The following GTF2A1 variants were observed in gnomAD, a reference collection of about 807,000 sequenced individuals.
The protein encoded by GTF2A1 is transcription initiation factor IIA subunit 1.
GTF2A1 carries 12 observed loss-of-function variants against 54.1 expected under a neutral mutation model. The ratio of observed to expected loss-of-function variants is 0.22; its 90% CI spans 0.14 to 0.36. GTF2A1 has a LOEUF of 0.36. Among genes scored for constraint, GTF2A1 ranks in the 10% least tolerant of loss-of-function variants. The pLI is 1.00. For synonymous variants in GTF2A1, 145 were observed against 152.0 expected (o/e 0.95, Z 0.34); for missense variants, 335 against 442.2 (o/e 0.76, Z 2.17).
rs1419902730 is a variant in GTF2A1 at position 81,211,875 on chromosome 14, T to TCATATATATATATATATATATA, written c.132+4537_132+4538insTATATATATATATATATATATG. ...ACATAATTAGAGTGTATCAAGTACT[T>TCATATATATATATATATATATA]TATATATATATATATATATATATAT... On this transcript the variant is annotated intron_variant, in intron 2 of 8. Transcript: ENST00000553612. 6.1e-4 allele frequency among the ~76,000 whole-genome samples: 42 copies of TCATATATATATATATATATATA among 68,478 alleles called. 1 individual carries two copies. Among genetic ancestry groups the TCATATATATATATATATATATA allele is most frequent in the African/African-American group, 2.0e-3 (39 of 19,816 alleles). 44.9% of individuals were successfully genotyped at this position (68,478 alleles called of 152,430 possible). A position where few individuals can be genotyped will look rare whatever the true frequency, so the allele number is the denominator to read the frequency against.
intron 4 of GTF2A1, 49 bp downstream of exon 4, chr14:81,201,545 G>T: frequency 9.5e-7 from 1 of 1,055,798 alleles, no homozygotes. Context: ...ATTACAATGT[G>T]GGTTAGAATT....
chr14:81,198,991 G>A (rs1893047442), intron 4 of GTF2A1, among the ~76,000 whole-genome samples: 1 of 151,994 alleles, frequency 6.6e-6, no homozygotes, highest in Non-Finnish European at 1.5e-5. Flanking sequence ...CCACCCGGGT[G>A]ATTCGTATTT....
intron 2 of GTF2A1, among the ~76,000 whole-genome samples, chr14:81,213,782 G>A (rs1323733970): frequency 6.6e-6 from 1 of 150,784 alleles, no homozygotes; most frequent in African/African-American, 2.4e-5. Flanking sequence ...ATAAATATTT[G>A]CTCATCTGTT....
intron 1 of GTF2A1, among the ~76,000 whole-genome samples, 192 bp from the exon 2 acceptor site, chr14:81,216,706 T>C (rs1893496695): frequency 6.6e-6 from 1 of 152,232 alleles, no homozygotes; most frequent in Non-Finnish European, 1.5e-5. Context: ...TTAAGATTAA[T>C]GCAGTTCATA....
At chr14:81,218,106 T>TA (rs1893526828) in intron 1 of GTF2A1, among the ~76,000 whole-genome samples, 5 of 151,708 alleles carry the variant, frequency 3.3e-5, no homozygotes, top group African/African-American at 9.7e-5. Flanking sequence ...TTTTTTTTTT[T>TA]AACCAATAAT....
At chr14:81,189,820 A>G (rs1231336794) in intron 7 of GTF2A1, among the ~76,000 whole-genome samples, 1 of 152,186 alleles carries the variant, frequency 6.6e-6, no homozygotes, top group Non-Finnish European at 1.5e-5. Context: ...ACAAAAACTG[A>G]CCAAATCAAG....
intron 2 of GTF2A1, among the ~76,000 whole-genome samples, chr14:81,212,184 T>C (rs1291580632): frequency 3.3e-5 from 5 of 152,120 alleles, no homozygotes; most frequent in Non-Finnish European, 7.4e-5. Context: ...TTGAGGCAAC[T>C]CTTCTCATTT....
intron 2 of GTF2A1, among the ~76,000 whole-genome samples, chr14:81,215,726 T>G (rs560315170): frequency 1.3e-5 from 2 of 152,068 alleles, no homozygotes; most frequent in Non-Finnish European, 2.9e-5. Flanking sequence ...ACAGGTACAT[T>G]AAGACCATTA....
At chr14:81,186,451 A>G (rs1892747755) in intron 7 of GTF2A1, among the ~76,000 whole-genome samples, 1 of 151,570 alleles carries the variant, frequency 6.6e-6, no homozygotes, top group Admixed American at 6.6e-5. Context: ...TAAGATTCAG[A>G]CTTTTTTTTT....
At position 81,179,971 on chromosome 14, in the gene GTF2A1, C is replaced by T; in HGVS notation, c.*252G>A. 1 of 262,178 alleles carries T rather than the reference C, an allele frequency of 3.8e-6. No individual in the cohort carries two copies. The highest frequency in any genetic ancestry group is 7.1e-6 in the Non-Finnish European group (1 of 140,292). The allele number at this position is 262,178 out of a possible 1,614,324, so 16.2% of individuals were successfully genotyped here. A position where few individuals can be genotyped will look rare whatever the true frequency, so the allele number is the denominator to read the frequency against. The stretch of plus-strand genomic sequence containing the variant: ...GGTGGCAGGTACCTGTATTTAAAAT[C>T]AACAATTATGGTTTTCCTACACAAA... On this transcript the variant is annotated 3_prime_UTR_variant, in exon 9 of 9. Transcript: ENST00000553612.
rs550729822 is a variant in GTF2A1, at chr14:81,186,561, G to A, written c.934-941C>T. ...AAAATAAACAACCATGTTAAATTTC[G>A]CTTCAATTGTGACAGAAGATAGAAG... On this transcript the variant is annotated intron_variant, in intron 7 of 8. Coordinates refer to ENST00000553612, the MANE Select transcript of GTF2A1 (RefSeq NM_015859.4). 7.2e-5 allele frequency among the ~76,000 whole-genome samples: 11 copies of A among 152,122 alleles called. No individual in the cohort carries two copies. The South Asian group carries it at 8.3e-4, about 11-fold the overall frequency.
chr14:81,203,180 A>G (rs1452541858), intron 3 of GTF2A1, among the ~76,000 whole-genome samples: 1 of 152,214 alleles, frequency 6.6e-6, no homozygotes, highest in African/African-American at 2.4e-5. Flanking sequence ...TGTAAAACTG[A>G]GCCAAGGGCT....
At chr14:81,182,366 C>G (rs1270832404) in intron 8 of GTF2A1, among the ~76,000 whole-genome samples, 2 of 152,164 alleles carry the variant, frequency 1.3e-5, no homozygotes, top group African/African-American at 4.8e-5. Flanking sequence ...CCAACCAGCT[C>G]CACATGCAGC....
chr14:81,185,741 G>GA, intron 7 of GTF2A1, 121 bp from the exon 8 acceptor site: 1 of 503,686 alleles, frequency 2.0e-6, no homozygotes. Flanking sequence ...TGTACGCCAT[G>GA]AATTTAATAT....
chr14:81,215,267 C>A (rs1291180967), intron 2 of GTF2A1, among the ~76,000 whole-genome samples: 1 of 152,164 alleles, frequency 6.6e-6, no homozygotes, highest in Non-Finnish European at 1.5e-5. Flanking sequence ...AGCATTTCTG[C>A]TGCTTATTTA....
At chr14:81,182,645 C>A (rs902833698) in intron 8 of GTF2A1, among the ~76,000 whole-genome samples, 2 of 152,132 alleles carry the variant, frequency 1.3e-5, no homozygotes, top group African/African-American at 4.8e-5. Context: ...CCTCTGCTTC[C>A]TCCTCATATT....
At chr14:81,219,816 T>C (rs986934545) in intron 1 of GTF2A1, among the ~76,000 whole-genome samples, 9 of 152,138 alleles carry the variant, frequency 5.9e-5, no homozygotes, top group Non-Finnish European at 1.3e-4. Context: ...CTGCAGGCTT[T>C]TTTTGTTTGT....
In GTF2A1 at chr14:81,196,119, C is replaced by A; in HGVS notation, c.601G>T (p.Val201Phe). 1 of 1,613,652 alleles carries A rather than the reference C, an allele frequency of 6.2e-7. No individual in the cohort carries two copies. Among genetic ancestry groups the A allele is most frequent in the South Asian group, 1.1e-5 (1 of 91,080 alleles). ...GAAGATTATTTTACCTGCTGTATAA[C>A]AGGAGCTTGTACTCCACCAGGCTGC... ...QMQPGGVQAP[V>F]IQQVLAPLPG... Residue 201 changes from valine to phenylalanine, a missense_variant, in exon 6 of 9, where the codon GTT becomes TTT. Transcript: ENST00000553612.
intron 2 of GTF2A1, among the ~76,000 whole-genome samples, chr14:81,205,470 T>C (rs1487583845): frequency 6.6e-6 from 1 of 152,236 alleles, no homozygotes; most frequent in African/African-American, 2.4e-5. Context: ...GGTAACAAGA[T>C]CTATCTCACT....
Sources: gnomAD v4.1 joint callset for allele counts (sites outside exome capture counted in the v4.1 genomes callset) on GRCh38, gnomAD v4.1.1 for gene constraint, MANE v1.5 for transcripts, NCBI Gene and HGNC (gene_info 2026-07-23, HGNC 2026-07-21) for gene names.